Variants in SHISA6 observed in about 807,000 individuals in gnomAD.
SHISA6 encodes the protein shisa family member 6, also known as protein shisa-6.
SHISA6 carries 22 observed loss-of-function variants against 47.9 expected under a neutral mutation model. The ratio of observed to expected loss-of-function variants is 0.46; its 90% CI spans 0.33 to 0.66. The LOEUF (loss-of-function observed/expected upper bound fraction) is 0.66. SHISA6 is among the 30% of genes least tolerant of loss of function. The pLI is 0.02. For missense variants in SHISA6, 680 were observed against 764.6 expected (o/e 0.89, Z 1.30); for synonymous variants, 388 against 337.8 (o/e 1.15, Z -1.63).
At chr17:11,263,022 A>G (rs1226546488) in intron 1 of SHISA6, among the ~76,000 whole-genome samples, 3 of 152,192 alleles carry the variant, frequency 2.0e-5, no homozygotes, top group African/African-American at 4.8e-5. Context: ...GCCCTTCACC[A>G]TAGTGGCATT....
rs866397279 is a variant in SHISA6, at chr17:11,527,090, A to G, written c.896-24806A>G. 1.1e-4 allele frequency among the ~76,000 whole-genome samples: 16 copies of G among 151,956 alleles called. No homozygotes were observed. In the Middle Eastern group the frequency reaches 0.014, roughly 129 times the overall value. ...AACCCTTTACCACCCAAGAATACAGACCTATTTCTTTCCTGGACATTTTTC... is the reference window on the plus strand; with the variant it reads ...AACCCTTTACCACCCAAGAATACAGGCCTATTTCTTTCCTGGACATTTTTC... On this transcript the variant is annotated intron_variant, in intron 3 of 5. Coordinates refer to ENST00000441885, the MANE Select transcript of SHISA6 (RefSeq NM_207386.4).
chr17:11,323,307 A>G (rs1910769948), intron 2 of SHISA6, among the ~76,000 whole-genome samples: 2 of 152,228 alleles, frequency 1.3e-5, no homozygotes, highest in African/African-American at 4.8e-5. Flanking sequence ...AACCTGAGAC[A>G]GAGAGAAAGG....
intron 3 of SHISA6, among the ~76,000 whole-genome samples, chr17:11,396,835 C>A (rs1913587228): frequency 6.6e-6 from 1 of 152,136 alleles, no homozygotes; most frequent in Admixed American, 6.5e-5. Flanking sequence ...GTGCGGCAAA[C>A]CAACCTGGCA....
chr17:11,530,942 C>A (rs1278475799), intron 3 of SHISA6, among the ~76,000 whole-genome samples: 1 of 152,240 alleles, frequency 6.6e-6, no homozygotes, highest in East Asian at 1.9e-4. Context: ...TCTTTCTTCC[C>A]CATAGGCAGT....
At chr17:11,263,731 G>T (rs561629886) in intron 2 of SHISA6, among the ~76,000 whole-genome samples, 1 of 152,282 alleles carries the variant, frequency 6.6e-6, no homozygotes, top group East Asian at 1.9e-4. Context: ...GTCTGGGCTG[G>T]ATGAGGACTG....
At chr17:11,366,652 G>A (rs1276536658) in intron 2 of SHISA6, among the ~76,000 whole-genome samples, 1 of 152,196 alleles carries the variant, frequency 6.6e-6, no homozygotes, top group Non-Finnish European at 1.5e-5. Context: ...CTGGGAGGTG[G>A]CAGGACAGAT....
At chr17:11,290,945 C>T (rs1487776074) in intron 2 of SHISA6, 3 of 151,654 alleles carry the variant, frequency 2.0e-5, no homozygotes, top group African/African-American at 7.3e-5. Context: ...GTGATGCCAG[C>T]CCTGACTTTC....
chr17:11,303,088 G>A (rs1339244328), intron 2 of SHISA6, among the ~76,000 whole-genome samples: 1 of 152,178 alleles, frequency 6.6e-6, no homozygotes, highest in Non-Finnish European at 1.5e-5. Flanking sequence ...CTATGTGCTT[G>A]TATGATTGTG....
chr17:11,396,145 C>G (rs181439014), intron 3 of SHISA6, among the ~76,000 whole-genome samples: 24 of 152,316 alleles, frequency 1.6e-4, no homozygotes, highest in Non-Finnish European at 2.9e-4. Flanking sequence ...TAGAGATCAT[C>G]ATAGACTTTC....
At position 11,557,985 on chromosome 17, in the gene SHISA6, T is replaced by A; in HGVS notation, c.1337T>A (p.Leu446Gln). Residue 446 changes from leucine to glutamine, a missense_variant, in exon 6 of 6, where the codon CTG becomes CAG. Around this residue, in one of 2 missense-constraint regions of SHISA6, gnomAD observed 559 missense variants for 674.1 expected, o/e 0.83. Transcript: ENST00000441885. ...PYDRILSDEQLLSTERLHSQD... is the reference protein window; with the variant it reads ...PYDRILSDEQQLSTERLHSQD... ...GACCGCATCCTGTCCGACGAGCAGCTGCTCTCCACGGAGCGCCTGCACTCC... is the reference window on the plus strand; with the variant it reads ...GACCGCATCCTGTCCGACGAGCAGCAGCTCTCCACGGAGCGCCTGCACTCC... 6.4e-7 allele frequency: 1 copy of A among 1,551,496 alleles called. No individual in the cohort carries two copies. The highest frequency in any genetic ancestry group is 8.7e-7 in the Non-Finnish European group (1 of 1,146,912).
At chr17:11,402,422 T>C (rs529365424) in intron 3 of SHISA6, among the ~76,000 whole-genome samples, 22 of 152,374 alleles carry the variant, frequency 1.4e-4, no homozygotes, top group Admixed American at 5.9e-4. Flanking sequence ...TCTTGAAATA[T>C]AGTTCTCCAA....
chr17:11,440,850 C>T (rs1397189401), intron 3 of SHISA6, among the ~76,000 whole-genome samples: 4 of 151,804 alleles, frequency 2.6e-5, no homozygotes, highest in Non-Finnish European at 4.4e-5. Flanking sequence ...CAGACACTCC[C>T]AGCCATGCTC....
chr17:11,297,132 G>C (rs1243247386), intron 2 of SHISA6, among the ~76,000 whole-genome samples: 4 of 152,108 alleles, frequency 2.6e-5, no homozygotes, highest in Non-Finnish European at 5.9e-5. Context: ...GGGGCATATG[G>C]AATCAAGAAC....
chr17:11,259,614 A>G lies in SHISA6; in HGVS notation c.639-3752A>G, dbSNP rs740651. Among the ~76,000 whole-genome samples the G allele has an allele frequency of 5.2e-3, 795 of 152,360 alleles. 6 individuals carry two copies. The highest frequency in any genetic ancestry group is 0.018 in the African/African-American group (760 of 41,582). On this transcript the variant is annotated intron_variant, in intron 1 of 5. Coordinates refer to ENST00000441885, the MANE Select transcript of SHISA6 (RefSeq NM_207386.4). ...GGGCTTGGTCCCTGCAGGTGTTGAG[A>G]TAACTAAGCACTTACGGAAATTCAG...
chr17:11,531,862 T>G (rs2071736360), intron 3 of SHISA6, among the ~76,000 whole-genome samples: 1 of 152,226 alleles, frequency 6.6e-6, no homozygotes, highest in South Asian at 2.1e-4. Flanking sequence ...ACAGTATTGA[T>G]GCATATATGA....
chr17:11,504,985 C>T (rs979400576), intron 3 of SHISA6, among the ~76,000 whole-genome samples: 6 of 152,176 alleles, frequency 3.9e-5, no homozygotes, highest in African/African-American at 1.4e-4. Flanking sequence ...TCCTCACTGG[C>T]CAGTTCCCAT....
At chr17:11,446,619 TG>T (rs1238194560) in intron 3 of SHISA6, among the ~76,000 whole-genome samples, 18 of 152,358 alleles carry the variant, frequency 1.2e-4, no homozygotes, top group South Asian at 1.0e-3. Flanking sequence ...AATCTGACTT[TG>T]GGCAGAGGTG....
At chr17:11,404,237 G>A (rs186341755) in intron 3 of SHISA6, among the ~76,000 whole-genome samples, 60 of 152,278 alleles carry the variant, frequency 3.9e-4, no homozygotes, top group Non-Finnish European at 5.6e-4. Flanking sequence ...TTATTCATTC[G>A]TTCAATCTGT....
chr17:11,500,506 G>C, intron 3 of SHISA6, among the ~76,000 whole-genome samples: 1 of 152,188 alleles, frequency 6.6e-6, no homozygotes, highest in East Asian at 1.9e-4. Flanking sequence ...AGGCGCAGGA[G>C]TGAACTGACT....
Sources: allele counts gnomAD v4.1 joint callset (sites outside exome capture counted in the v4.1 genomes callset), GRCh38; gene constraint gnomAD v4.1.1; regional missense constraint gnomAD v4.1.1; transcripts MANE v1.5; gene names NCBI Gene and HGNC (gene_info 2026-07-23, HGNC 2026-07-21).